The following PXDNL variants were observed in gnomAD, a reference collection of about 807,000 sequenced individuals.
The protein encoded by PXDNL is peroxidasin like, also known as probable oxidoreductase PXDNL.
Under a neutral mutation model 150.8 loss-of-function variants are expected in PXDNL, and 145 were observed. That is an observed-to-expected ratio of 0.96 (90% CI 0.84 to 1.10). The LOEUF (loss-of-function observed/expected upper bound fraction) is 1.10. Among genes scored for constraint, PXDNL ranks in the 50% least tolerant of loss-of-function variants. The pLI, the probability that PXDNL is intolerant of heterozygous loss-of-function variation, is 0.00. For synonymous variants in PXDNL, 757 were observed against 725.7 expected (o/e 1.04, Z -0.69); for missense variants, 2,087 against 1,873.9 (o/e 1.11, Z -2.10).
chr8:51,413,174 G>A lies in PXDNL; in HGVS notation c.1880C>T (p.Ser627Phe). The stretch of plus-strand genomic sequence containing the variant: ...CTGTGAAAACAAATGTCTTCGTGTG[G>A]AGTTAATTGCACTGTCAACTCTCTG... The part of the protein sequence containing the change: ...AVQRVDSAIN[S>F]TRRHLFSQKP... The change falls in exon 15 of 23, where the codon TCC becomes TTC. Residue 627 changes from serine to phenylalanine, a missense_variant. By Grantham distance (155) the Ser-to-Phe change is radical. Coordinates refer to ENST00000356297, the MANE Select transcript of PXDNL (RefSeq NM_144651.5). 1 of 1,602,940 alleles carries A rather than the reference G, an allele frequency of 6.2e-7. No individual in the cohort carries two copies. Among genetic ancestry groups the A allele is most frequent in the Non-Finnish European group, 8.5e-7 (1 of 1,170,148 alleles).
intron 6 of PXDNL, among the ~76,000 whole-genome samples, chr8:51,481,102 A>G (rs544110043): frequency 6.6e-6 from 1 of 152,312 alleles, no homozygotes; most frequent in African/African-American, 2.4e-5. Context: ...GGAACTTCCT[A>G]GAGACTTGGA....
chr8:51,438,924 C>T (rs543753176), intron 12 of PXDNL, among the ~76,000 whole-genome samples: 1 of 152,080 alleles, frequency 6.6e-6, no homozygotes, highest in Admixed American at 6.6e-5. Context: ...AAAATCAACA[C>T]GAGATTGATC....
At chr8:51,471,836 A>G (rs4100062) in intron 8 of PXDNL, among the ~76,000 whole-genome samples, 31,124 of 151,394 alleles carry the variant, frequency 0.21, 4,278 homozygotes, top group African/African-American at 0.39. Context: ...ACAGGCGCTC[A>G]CCACCACGCC....
At chr8:51,578,009 GGAAGGAAGGAAGGA>G (rs1813118741) in intron 3 of PXDNL, among the ~76,000 whole-genome samples, 1 of 86,030 alleles carries the variant, frequency 1.2e-5, no homozygotes, top group African/African-American at 6.9e-5. Context: ...GAGGAAGGAA[GGAAGGAAGGAAGGA>G]AGGAAGGAAG....
chr8:51,323,253 T>C (rs922800721), intron 21 of PXDNL, among the ~76,000 whole-genome samples: 1 of 152,170 alleles, frequency 6.6e-6, no homozygotes, highest in African/African-American at 2.4e-5. Flanking sequence ...AATTAATAAA[T>C]TATTTAAGGG....
chr8:51,711,203 C>T (rs912760599), intron 1 of PXDNL, among the ~76,000 whole-genome samples: 1 of 152,116 alleles, frequency 6.6e-6, no homozygotes, highest in Admixed American at 6.5e-5. Context: ...TGCAATGGTG[C>T]AATCTTGGCT....
At chr8:51,652,134 A>G (rs760012942) in intron 2 of PXDNL, among the ~76,000 whole-genome samples, 2 of 152,204 alleles carry the variant, frequency 1.3e-5, no homozygotes, top group Non-Finnish European at 2.9e-5. Context: ...CCAAGGAAAT[A>G]GAATCACCAG....
intron 4 of PXDNL, among the ~76,000 whole-genome samples, chr8:51,525,496 T>A (rs111324353): frequency 2.3e-4 from 35 of 152,318 alleles, no homozygotes; most frequent in African/African-American, 8.2e-4. Flanking sequence ...CAACTTAATA[T>A]AACATCTCTT....
chr8:51,541,887 T>G (rs1274927182), intron 4 of PXDNL, among the ~76,000 whole-genome samples: 1 of 152,140 alleles, frequency 6.6e-6, no homozygotes, highest in African/African-American at 2.4e-5. Context: ...TGTTTTCTCA[T>G]TTTCTACGAG....
chr8:51,790,206 AT>A (rs5891434), intron 1 of PXDNL, among the ~76,000 whole-genome samples: 99,455 of 146,260 alleles, frequency 0.68, 39,701 homozygotes, highest in Non-Finnish European at 0.9. Flanking sequence ...TCATTAATAG[AT>A]TTTTTTTTTT....
chr8:51,403,115 AG>A (rs958689678), intron 17 of PXDNL, among the ~76,000 whole-genome samples: 2 of 151,826 alleles, frequency 1.3e-5, no homozygotes, highest in African/African-American at 2.4e-5. Flanking sequence ...AAAAAGAAAA[AG>A]AAAAAAAAAG....
rs539122764 is a variant in PXDNL at position 51,488,928 on chromosome 8, A to G, written c.453-5214T>C. ...TTATTACATGTACTCAGAGACTGCA[A>G]TATGTATCATACTTGTAAAACAAGG... On this transcript the variant is annotated intron_variant, in intron 5 of 22. Transcript: ENST00000356297. Among the ~76,000 whole-genome samples the G allele has an allele frequency of 8.5e-5, 13 of 152,338 alleles. 1 individual carries two copies. The highest frequency in any genetic ancestry group is 3.1e-4 in the African/African-American group (13 of 41,594).
chr8:51,479,040 C>G (rs986647525), intron 6 of PXDNL, among the ~76,000 whole-genome samples: 2 of 152,182 alleles, frequency 1.3e-5, no homozygotes, highest in African/African-American at 4.8e-5. Context: ...ACTGGCACAT[C>G]ACTGTAAGGA....
chr8:51,575,924 G>T (rs1328269916), intron 3 of PXDNL, among the ~76,000 whole-genome samples: 1 of 151,580 alleles, frequency 6.6e-6, no homozygotes, highest in African/African-American at 2.4e-5. Flanking sequence ...TAAAGTTAGG[G>T]AAGAATATTT....
intron 1 of PXDNL, among the ~76,000 whole-genome samples, chr8:51,673,186 T>G (rs1275501922): frequency 6.6e-6 from 1 of 152,200 alleles, no homozygotes; most frequent in African/African-American, 2.4e-5. Context: ...CATCAATATT[T>G]AATGATGTGG....
chr8:51,485,604 C>G (rs1810712941), intron 5 of PXDNL, among the ~76,000 whole-genome samples: 1 of 152,124 alleles, frequency 6.6e-6, no homozygotes, highest in South Asian at 2.1e-4. Context: ...ATAGGGTCAG[C>G]CTGAGCCTTT....
intron 1 of PXDNL, among the ~76,000 whole-genome samples, chr8:51,706,829 C>T (rs1816389101): frequency 6.6e-6 from 1 of 152,132 alleles, no homozygotes; most frequent in Non-Finnish European, 1.5e-5. Context: ...GTAATTTTCC[C>T]AACTCAGTGA....
chr8:51,571,424 CAT>C (rs1318336466), intron 3 of PXDNL, among the ~76,000 whole-genome samples: 2 of 151,806 alleles, frequency 1.3e-5, no homozygotes, highest in South Asian at 2.1e-4. Flanking sequence ...TTTATGTTGA[CAT>C]GTTTCATTAA....
chr8:51,778,569 C>T (rs2037380322), intron 1 of PXDNL, among the ~76,000 whole-genome samples: 1 of 152,170 alleles, frequency 6.6e-6, no homozygotes, highest in Non-Finnish European at 1.5e-5. Context: ...TTCCTACTCA[C>T]AACTTTTCCA....
Sources: gnomAD v4.1 joint callset for allele counts (sites outside exome capture counted in the v4.1 genomes callset) on GRCh38, gnomAD v4.1.1 for gene constraint, MANE v1.5 for transcripts, NCBI Gene and HGNC (gene_info 2026-07-23, HGNC 2026-07-21) for gene names.